The following MAP7D1 variants were observed in gnomAD, a reference collection of about 807,000 sequenced individuals.
MAP7D1 encodes the protein MAP7 domain-containing protein 1.
MAP7D1 carries 30 observed loss-of-function variants against 97.5 expected under a neutral mutation model. The observed-to-expected ratio is 0.31, with a 90% CI of 0.23 to 0.42. MAP7D1 has a LOEUF of 0.42. MAP7D1 is among the 10% of genes least tolerant of loss of function. MAP7D1 has a pLI of 1.00. For missense variants in MAP7D1, 1,184 were observed against 1,179.5 expected (o/e 1.00, Z -0.06); for synonymous variants, 536 against 477.1 (o/e 1.12, Z -1.61).
intron 9 of MAP7D1, 79 bp from the exon 10 acceptor site, chr1:36,178,340 G>T: frequency 6.6e-7 from 1 of 1,510,448 alleles, no homozygotes; most frequent in Non-Finnish European, 8.9e-7. Context: ...GCAGTCCCAG[G>T]CCCAGAACAC....
chr1:36,172,748 G>T, intron 4 of MAP7D1, 121 bp downstream of exon 4: 1 of 1,100,018 alleles, frequency 9.1e-7, no homozygotes, highest in Non-Finnish European at 1.2e-6. Context: ...GGTCCTATTT[G>T]TGTTCACATC....
In MAP7D1 at chr1:36,176,657, T is replaced by C. The variant is rs780885550; in HGVS notation, c.1234-40T>C. On this transcript the variant is annotated intron_variant, in intron 7 of 16. Coordinates refer to ENST00000474796, the MANE Select transcript of MAP7D1 (RefSeq NM_001388490.1). The surrounding 1 kb of genome is among the most constrained non-coding windows in gnomAD (Gnocchi z 6.1). ...TGGAACTGGGGTACGCGGGCGCTGC[T>C]GACCTCTACTCTCCTCTTCCGTTCC... 5.6e-6 allele frequency: 9 copies of C among 1,598,032 alleles called. No homozygotes were observed. In the African/African-American group the frequency reaches 1.1e-4, roughly 19 times the overall value.
At position 36,176,805 on chromosome 1, in the gene MAP7D1, C is replaced by A; in HGVS notation, c.1342C>A (p.Arg448Ser). 1 of 1,593,368 alleles carries A rather than the reference C, an allele frequency of 6.3e-7. No homozygotes were observed. Among genetic ancestry groups the A allele is most frequent in the Non-Finnish European group, 8.5e-7 (1 of 1,171,090 alleles). ...KKRQSLPASP[R>S]ARLSASTASE... ...GCGCCAGTCGCTGCCCGCCTCCCCA[C>A]GTGCCCGCCTCTCTGCCAGCACCGC... Residue 448 changes from arginine to serine, a missense_variant, in exon 8 of 17, where the codon CGT becomes AGT. By Grantham distance (110) the Arg-to-Ser change is moderately radical (BLOSUM62 -1). Coordinates refer to ENST00000474796, the MANE Select transcript of MAP7D1 (RefSeq NM_001388490.1). The surrounding 1 kb of genome is among the most constrained non-coding windows in gnomAD (Gnocchi z 6.1).
chr1:36,162,128 G>C (rs1282423893), intron 1 of MAP7D1, among the ~76,000 whole-genome samples: 1 of 151,988 alleles, frequency 6.6e-6, no homozygotes. Context: ...GTCTTCTCTC[G>C]GCCTCGTGCC....
rs746775238 is a variant in MAP7D1 at position 36,173,415 on chromosome 1, A to G, written c.676A>G (p.Ile226Val). ...GTCAGTGAAGAAGACGTGGGCCGAA[A>G]TCCGGCAGCAGCGCTGGTCCTGGGC... is the stretch of plus-strand genomic sequence containing the variant. The part of the protein sequence containing the change: ...QRSVKKTWAE[I>V]RQQRWSWAGA... The change falls in exon 5 of 17, where the codon ATC becomes GTC. Residue 226 changes from isoleucine to valine, a missense_variant. Ile to Val is a conservative substitution (Grantham distance 29). Coordinates refer to ENST00000474796, the MANE Select transcript of MAP7D1 (RefSeq NM_001388490.1). 1 of 1,614,070 alleles carries G rather than the reference A, an allele frequency of 6.2e-7. No homozygotes were observed. The highest frequency in any genetic ancestry group is 1.1e-5 in the South Asian group (1 of 91,062).
chr1:36,162,301 C>T (rs1644423579), intron 1 of MAP7D1, among the ~76,000 whole-genome samples: 1 of 152,214 alleles, frequency 6.6e-6, no homozygotes, highest in Non-Finnish European at 1.5e-5. Flanking sequence ...AGCCTGCCTT[C>T]CCTACATTCC....
chr1:36,174,857 T>C (rs1570155957), intron 5 of MAP7D1, 41 bp from the exon 6 acceptor site: 1 of 1,315,548 alleles, frequency 7.6e-7, no homozygotes, highest in South Asian at 1.2e-5. Context: ...CACTGGCTCC[T>C]GCCGGGCCCG....
chr1:36,178,784 G>T lies in MAP7D1; in HGVS notation c.1986G>T (p.Ala662=), dbSNP rs1458266348. 6.5e-7 allele frequency: 1 copy of T among 1,547,388 alleles called. No individual in the cohort carries two copies. The highest frequency in any genetic ancestry group is 8.7e-7 in the Non-Finnish European group (1 of 1,145,786). The part of the protein sequence containing the change: ...RREEQEAREK[A]QAEQEEQERL... ...AGGAGCAGGAGGCACGAGAGAAGGC[G>T]CAGGCCGAGCAGGAGGAGCAGGAGC... Residue 662 remains alanine, a synonymous_variant, in exon 11 of 17, where the codon GCG becomes GCT. Coordinates refer to ENST00000474796, the MANE Select transcript of MAP7D1 (RefSeq NM_001388490.1).
intron 12 of MAP7D1, 31 bp from the exon 13 acceptor site, chr1:36,179,231 C>G (rs758805592): frequency 9.9e-6 from 16 of 1,611,640 alleles, no homozygotes; most frequent in Non-Finnish European, 1.3e-5. Context: ...GGGCGGGGCT[C>G]GAGCCTAACT....
rs149943381 is a variant in MAP7D1 at position 36,160,149 on chromosome 1, T to C, written c.46+3686T>C. Among the ~76,000 whole-genome samples, 456 of 152,310 alleles carry C rather than the reference T, an allele frequency of 3.0e-3. 2 individuals are homozygous for C. The highest frequency in any genetic ancestry group is 0.01 in the African/African-American group (433 of 41,558). On this transcript the variant is annotated intron_variant, in intron 1 of 16. Coordinates refer to ENST00000474796, the MANE Select transcript of MAP7D1 (RefSeq NM_001388490.1). ...ACAGGGCAGCTGGGACCCATGTCCTTAGGTCCCTGCTGGGCCTTGGGGCTA... is the reference window on the plus strand; with the variant it reads ...ACAGGGCAGCTGGGACCCATGTCCTCAGGTCCCTGCTGGGCCTTGGGGCTA...
chr1:36,177,873 C>A lies in MAP7D1; in HGVS notation c.1380C>A (p.Ser460Arg). 1.3e-6 allele frequency: 2 copies of A among 1,530,660 alleles called. No homozygotes were observed. The highest frequency in any genetic ancestry group is 2.6e-5 in the South Asian group (2 of 78,242). 94.8% of individuals were successfully genotyped at this position (1,530,660 alleles called of 1,614,324 possible). A position where few individuals can be genotyped will look rare whatever the true frequency, so the allele number is the denominator to read the frequency against. The change falls in exon 9 of 17, where the codon AGC (serine) becomes AGA (arginine). Residue 460 changes from serine (S) to arginine (R), a missense_variant and splice_region_variant. By Grantham distance (110) the Ser-to-Arg change is moderately radical. Coordinates refer to ENST00000474796, the MANE Select transcript of MAP7D1 (RefSeq NM_001388490.1). ...RLSASTASEL[S>R]PKSKARPSSP... ...CCTTCCCTTTTCCCTTTTCTCTTAG[C>A]CCCAAATCCAAGGCCAGGCCATCCT...
chr1:36,159,955 A>G lies in MAP7D1; in HGVS notation c.46+3492A>G, dbSNP rs272828. ...ATGAGCCCCTAATGTGCAGTCACGCATATGCAAATGAGGTGGAAGGGATAC... is the reference window on the plus strand; with the variant it reads ...ATGAGCCCCTAATGTGCAGTCACGCGTATGCAAATGAGGTGGAAGGGATAC... On this transcript the variant is annotated intron_variant, in intron 1 of 16. Transcript: ENST00000474796. The surrounding 1 kb of genome is among the most constrained non-coding windows in gnomAD (Gnocchi z 5.4). 0.082 allele frequency among the ~76,000 whole-genome samples: 12,542 copies of G among 152,240 alleles called. 1,525 individuals are homozygous for G. Among genetic ancestry groups the G allele is most frequent in the African/African-American group, 0.27 (11,026 of 41,496 alleles).
chr1:36,180,647 A>C lies in MAP7D1; in HGVS notation c.*389A>C. On this transcript the variant is annotated 3_prime_UTR_variant, in exon 17 of 17. Coordinates refer to ENST00000474796, the MANE Select transcript of MAP7D1 (RefSeq NM_001388490.1). ...TGGAGAGGGTGGGTGCAGGAGGCAG[A>C]CCCTCCCCCCAAAGCCCCCTGGGGA... 1 of 254,974 alleles carries C rather than the reference A, an allele frequency of 3.9e-6. No individual in the cohort carries two copies. Among genetic ancestry groups the C allele is most frequent in the Non-Finnish European group, 7.6e-6 (1 of 130,752 alleles). 15.8% of individuals were successfully genotyped at this position (254,974 alleles called of 1,614,324 possible).
chr1:36,171,934 C>CAAA (rs10631607), intron 3 of MAP7D1: 1,580 of 60,456 alleles, frequency 0.026, 35 homozygotes, highest in East Asian at 0.041. Context: ...AACTCCGTCT[C>CAAA]AAAAAAAAAA....
chr1:36,171,072 G>C lies in MAP7D1; in HGVS notation c.148G>C (p.Asp50His), dbSNP rs1378478371. Residue 50 changes from aspartate (D) to histidine (H), a missense_variant, in exon 2 of 17, where the codon GAC becomes CAC. Asp to His is a moderately conservative substitution (Grantham distance 81). Transcript: ENST00000474796. ...AGCCCTGGTCCCCGACACTCCCCCG[G>C]ACACCCCTCCTGCCATGAAGAATGC... Reference protein sequence around the residue: ...MSALVPDTPPDTPPAMKNATS... With the variant: ...MSALVPDTPPHTPPAMKNATS... 1 of 1,598,794 alleles carries C rather than the reference G, an allele frequency of 6.3e-7. No individual in the cohort carries two copies. The highest frequency in any genetic ancestry group is 1.1e-5 in the South Asian group (1 of 90,246).
chr1:36,179,970 G>A lies in MAP7D1; in HGVS notation c.2415G>A (p.Gly805=), dbSNP rs1440697881. ...GCTTCTCCACCAACGGACCCTCTGG[G>A]GACAAGAGTCTGAGCCGAACACCAG... The part of the protein sequence containing the change: ...ENGFSTNGPS[G]DKSLSRTPET... Residue 805 remains glycine, a synonymous_variant, in exon 16 of 17, where the codon GGG becomes GGA. Coordinates refer to ENST00000474796, the MANE Select transcript of MAP7D1 (RefSeq NM_001388490.1). 6.2e-7 allele frequency: 1 copy of A among 1,614,094 alleles called. No individual in the cohort carries two copies. The highest frequency in any genetic ancestry group is 1.3e-5 in the African/African-American group (1 of 74,936).
At position 36,176,389 on chromosome 1, in the gene MAP7D1, G is replaced by T; in HGVS notation, c.1041G>T (p.Pro347=). ...CAGGGGCCAGCCTGGCGCGCGGGCC[G>T]CAACCCGACCGCACTCATCCCTCTG... ...GRAGASLARG[P]QPDRTHPSAA... is the part of the protein sequence containing the mutation. The change falls in exon 7 of 17, where the codon CCG becomes CCT. Residue 347 remains proline, a synonymous_variant. Coordinates refer to ENST00000474796, the MANE Select transcript of MAP7D1 (RefSeq NM_001388490.1). This position sits in a 1 kb window ranked among gnomAD's most constrained non-coding sequence, Gnocchi z 6.1. 6.6e-7 allele frequency: 1 copy of T among 1,526,674 alleles called. No homozygotes were observed. Among genetic ancestry groups the T allele is most frequent in the Non-Finnish European group, 8.7e-7 (1 of 1,143,198 alleles). The allele number at this position is 1,526,674 out of a possible 1,614,324, so 94.6% of individuals were successfully genotyped here.
intron 3 of MAP7D1, 117 bp from the exon 4 acceptor site, chr1:36,172,347 C>A (rs746822021): frequency 1.9e-6 from 2 of 1,041,670 alleles, no homozygotes; most frequent in African/African-American, 1.6e-5. Context: ...CCTAAGCAGG[C>A]GGGAGAAAGA....
At chr1:36,179,415 G>A (rs1644683244) in intron 13 of MAP7D1, 100 bp downstream of exon 13, 1 of 1,576,516 alleles carries the variant, frequency 6.3e-7, no homozygotes, top group East Asian at 2.3e-5. Context: ...AGGCTGTCAG[G>A]GAGGCCGCTG....
Sources: gnomAD v4.1 joint callset for allele counts (sites outside exome capture counted in the v4.1 genomes callset) on GRCh38, gnomAD v4.1.1 for gene constraint, Gnocchi (gnomAD v3.1) non-coding constraint, MANE v1.5 for transcripts, NCBI Gene and HGNC (gene_info 2026-07-23, HGNC 2026-07-21) for gene names.